Variants in PGCKA1 observed in about 807,000 individuals in gnomAD.
The protein encoded by PGCKA1 is PDCD10 and GCKIII kinases-associated protein 1.
the PGCKA1 span, among the ~76,000 whole-genome samples, chr4:37,465,902 T>C: frequency 6.6e-6 from 1 of 152,180 alleles, no homozygotes; most frequent in Non-Finnish European, 1.5e-5. Flanking sequence ...GACACTCTTC[T>C]AGAAGAAGAG....
At chr4:37,559,803 A>T in the PGCKA1 span, among the ~76,000 whole-genome samples, 1 of 152,114 alleles carries the variant, frequency 6.6e-6, no homozygotes, top group South Asian at 2.1e-4. Flanking sequence ...TCTTTGTCCG[A>T]ACTTGCATTA....
At chr4:37,575,095 C>CT in the PGCKA1 span, among the ~76,000 whole-genome samples, 1 of 152,120 alleles carries the variant, frequency 6.6e-6, no homozygotes, top group Non-Finnish European at 1.5e-5. Context: ...CAGTGATTTC[C>CT]TTTCTCATGG....
the PGCKA1 span, chr4:37,590,234 G>A: frequency 3.1e-6 from 5 of 1,614,236 alleles, no homozygotes; most frequent in Non-Finnish European, 4.2e-6. Context: ...CAGAGGCAGG[G>A]CTCAAAGAAG....
At chr4:37,487,314 A>G in the PGCKA1 span, among the ~76,000 whole-genome samples, 1 of 152,316 alleles carries the variant, frequency 6.6e-6, no homozygotes, top group African/African-American at 2.4e-5. Context: ...CTACAACTAA[A>G]ATTTTTCATA....
chr4:37,544,506 A>AC, the PGCKA1 span, among the ~76,000 whole-genome samples: 1 of 149,894 alleles, frequency 6.7e-6, no homozygotes, highest in Non-Finnish European at 1.5e-5. Flanking sequence ...TGGTCTTCTA[A>AC]TTTTTTTTTA....
the PGCKA1 span, among the ~76,000 whole-genome samples, chr4:37,479,509 C>T: frequency 0.64 from 97,064 of 151,998 alleles, 32,180 homozygotes; most frequent in Non-Finnish European, 0.74. Context: ...ATCACACAAA[C>T]GCAAATTTTC....
chr4:37,464,160 G>A, the PGCKA1 span, among the ~76,000 whole-genome samples: 4,026 of 152,218 alleles, frequency 0.026, 68 homozygotes, highest in Middle Eastern at 0.058. Flanking sequence ...CTGGGTGTGG[G>A]GGTTGTATTT....
At chr4:37,565,351 T>C in the PGCKA1 span, among the ~76,000 whole-genome samples, 1 of 152,186 alleles carries the variant, frequency 6.6e-6, no homozygotes, top group Non-Finnish European at 1.5e-5. Flanking sequence ...TCCCAGCTCA[T>C]GGCCATGTAT....
chr4:37,495,528 C>T, the PGCKA1 span, among the ~76,000 whole-genome samples: 1 of 152,074 alleles, frequency 6.6e-6, no homozygotes, highest in Non-Finnish European at 1.5e-5. Flanking sequence ...TACTACGCAG[C>T]CCTAAAAAAG....
At chr4:37,584,157 G>A in the PGCKA1 span, 1 of 152,234 alleles carries the variant, frequency 6.6e-6, no homozygotes, top group East Asian at 1.9e-4. Flanking sequence ...CATCATATAA[G>A]GAAGAATAAT....
chr4:37,516,479 A>G, the PGCKA1 span, among the ~76,000 whole-genome samples: 4 of 152,250 alleles, frequency 2.6e-5, no homozygotes, highest in Non-Finnish European at 5.9e-5. Flanking sequence ...CATATGATGC[A>G]TCAAATAGAA....
the PGCKA1 span, among the ~76,000 whole-genome samples, chr4:37,573,910 C>G: frequency 1.2e-3 from 179 of 152,278 alleles, no homozygotes; most frequent in African/African-American, 3.9e-3. Flanking sequence ...TCATTTTTAT[C>G]TGGGTGCAGT....
the PGCKA1 span, among the ~76,000 whole-genome samples, chr4:37,522,449 C>G: frequency 1.3e-5 from 2 of 152,106 alleles, no homozygotes; most frequent in African/African-American, 4.8e-5. Context: ...TGAATGCTAC[C>G]TGTCCTGGAA....
the PGCKA1 span, among the ~76,000 whole-genome samples, chr4:37,530,498 C>T: frequency 1.3e-5 from 2 of 149,388 alleles, no homozygotes; most frequent in Non-Finnish European, 3.0e-5. Flanking sequence ...CGCTTGAACC[C>T]AGAAGACAGA....
chr4:37,591,031 G>GT, the PGCKA1 span: 1 of 1,556,128 alleles, frequency 6.4e-7, no homozygotes, highest in African/African-American at 1.4e-5. Flanking sequence ...AGGTAAGCTG[G>GT]TGTCATGCTG....
the PGCKA1 span, among the ~76,000 whole-genome samples, chr4:37,537,747 A>G: frequency 2.0e-5 from 3 of 152,270 alleles, no homozygotes; most frequent in South Asian, 6.2e-4. Context: ...CATCCACCAT[A>G]CTGAAGACTC....
chr4:37,564,008 C>T, the PGCKA1 span, among the ~76,000 whole-genome samples: 479 of 152,234 alleles, frequency 3.1e-3, 3 homozygotes, highest in African/African-American at 0.011. Flanking sequence ...GACAGTGGCT[C>T]ACCTCTGTAA....
the PGCKA1 span, among the ~76,000 whole-genome samples, chr4:37,517,404 CA>C: frequency 4.6e-5 from 7 of 151,536 alleles, no homozygotes; most frequent in Admixed American, 1.3e-4. Context: ...GTGGTAACCA[CA>C]GATTATTGGG....
the PGCKA1 span, among the ~76,000 whole-genome samples, chr4:37,475,964 AAAT>A: frequency 1.3e-5 from 2 of 150,316 alleles, no homozygotes; most frequent in Non-Finnish European, 3.0e-5. Context: ...ACATTATTTA[AAAT>A]AATTATTTTA....
Sources: gnomAD v4.1 joint callset for allele counts (sites outside exome capture counted in the v4.1 genomes callset) on GRCh38, gnomAD v4.1.1 for gene constraint, MANE v1.5 for transcripts, NCBI Gene and HGNC (gene_info 2026-07-23, HGNC 2026-07-21) for gene names.